The following MAP3K20 variants were observed in gnomAD, a reference collection of about 807,000 sequenced individuals.
The protein encoded by MAP3K20 is HCCS-4.
A neutral mutation model predicts 85.7 loss-of-function variants in MAP3K20; 40 were observed. That is an observed-to-expected ratio of 0.47 (90% CI 0.36 to 0.61). The LOEUF is 0.61. Among genes scored for constraint, MAP3K20 ranks in the 20% least tolerant of loss-of-function variants. The pLI is 0.00. For synonymous variants in MAP3K20, 325 were observed against 327.7 expected (o/e 0.99, Z 0.09); for missense variants, 817 against 961.7 (o/e 0.85, Z 1.99).
At chr2:173,212,900 T>A (rs1392220038) in intron 10 of MAP3K20, 1 of 151,190 alleles carries the variant, frequency 6.6e-6, no homozygotes, top group Non-Finnish European at 1.5e-5. Context: ...AGAAATGGTA[T>A]AAAGTGCAAT....
intron 2 of MAP3K20, among the ~76,000 whole-genome samples, chr2:173,149,515 T>TTTA (rs1553571022): frequency 6.6e-6 from 1 of 151,640 alleles, no homozygotes; most frequent in Admixed American, 6.6e-5. Flanking sequence ...TATTTTTTTT[T>TTTA]AAAAAAAACC....
chr2:173,085,947 C>A (rs1443621788), intron 1 of MAP3K20, among the ~76,000 whole-genome samples: 1 of 151,864 alleles, frequency 6.6e-6, no homozygotes, highest in East Asian at 1.9e-4. Flanking sequence ...AGATGCACGC[C>A]ACCATGCCTG....
chr2:173,128,973 G>C (rs955170681), intron 2 of MAP3K20, among the ~76,000 whole-genome samples: 4 of 130,896 alleles, frequency 3.1e-5, no homozygotes, highest in Non-Finnish European at 3.1e-5. Flanking sequence ...GCCCAGGCTA[G>C]AGTGCAATGG....
At chr2:173,124,451 TG>T (rs1329172822) in intron 2 of MAP3K20, among the ~76,000 whole-genome samples, 1 of 151,938 alleles carries the variant, frequency 6.6e-6, no homozygotes, top group East Asian at 1.9e-4. Flanking sequence ...AGGCTGCAGC[TG>T]CAAATGGATG....
chr2:173,258,749 A>C lies in MAP3K20; in HGVS notation c.1410A>C (p.Ile470=), dbSNP rs766506482. ...YMEMDGDEIA[I]TYIKDVTFNT... ...AGATGGATGGGGATGAAATTGCAAT[A>C]ACCTACATAAAAGATGTGACATTCA... The change falls in exon 17 of 20, where the codon ATA becomes ATC. Residue 470 remains isoleucine, a synonymous_variant. Coordinates refer to ENST00000375213, the MANE Select transcript of MAP3K20 (RefSeq NM_016653.3). 7.4e-6 allele frequency: 12 copies of C among 1,613,072 alleles called. No individual in the cohort carries two copies. The Admixed American group carries it at 2.0e-4, about 27-fold the overall frequency.
At chr2:173,224,567 C>T in intron 11 of MAP3K20, 2 of 985,248 alleles carry the variant, frequency 2.0e-6, no homozygotes, top group Non-Finnish European at 2.4e-6. Context: ...GGTCATAGCT[C>T]ATTACTCTAC....
intron 2 of MAP3K20, among the ~76,000 whole-genome samples, chr2:173,098,342 A>G (rs1014589831): frequency 3.9e-5 from 6 of 152,196 alleles, no homozygotes; most frequent in African/African-American, 1.4e-4. Context: ...CTGAAATTCA[A>G]AAAGCTCCAA....
chr2:173,180,705 A>AT (rs1230730416), intron 3 of MAP3K20, among the ~76,000 whole-genome samples: 1 of 152,114 alleles, frequency 6.6e-6, no homozygotes, highest in Admixed American at 6.6e-5. Context: ...AAAAAAAAAA[A>AT]TTAGAGCCAC....
chr2:173,118,307 A>G (rs1688181763), intron 2 of MAP3K20, among the ~76,000 whole-genome samples: 1 of 152,230 alleles, frequency 6.6e-6, no homozygotes, highest in Admixed American at 6.5e-5. Flanking sequence ...ACATTAATGG[A>G]TCTAGTTCAG....
chr2:173,146,171 A>G (rs1000866455), intron 2 of MAP3K20, among the ~76,000 whole-genome samples: 34 of 152,034 alleles, frequency 2.2e-4, no homozygotes, highest in Non-Finnish European at 4.4e-4. Flanking sequence ...AGGTCTGTGT[A>G]TTTTATTATA....
intron 16 of MAP3K20, among the ~76,000 whole-genome samples, chr2:173,243,113 C>T (rs149386024): frequency 1.3e-5 from 2 of 152,140 alleles, no homozygotes; most frequent in Non-Finnish European, 2.9e-5. Context: ...AAAGTACAAT[C>T]CCAGCCTTTA....
chr2:173,232,323 A>G lies in MAP3K20; in HGVS notation c.1067A>G (p.Asp356Gly). The G allele has an allele frequency of 6.2e-7, 1 of 1,614,080 alleles. No individual in the cohort carries two copies. The highest frequency in any genetic ancestry group is 8.5e-7 in the Non-Finnish European group (1 of 1,179,994). Residue 356 changes from aspartate (D) to glycine (G), a missense_variant, in exon 14 of 20, where the codon GAC (aspartate) becomes GGC (glycine). Asp to Gly is a moderately conservative substitution (Grantham distance 94, BLOSUM62 -1). Around this residue, in one of 4 missense-constraint regions of MAP3K20, gnomAD observed 158 missense variants for 162.0 expected, o/e 0.98. Coordinates refer to ENST00000375213, the MANE Select transcript of MAP3K20 (RefSeq NM_016653.3). ...CWVQQLVRKG[D>G]SSAEMSVYAS... is the part of the protein sequence containing the mutation. ...GCTTTCTAATCACTTCCTTCAGGTGACTCTTCAGCAGAGATGAGTGTATAT... is the reference window on the plus strand; with the variant it reads ...GCTTTCTAATCACTTCCTTCAGGTGGCTCTTCAGCAGAGATGAGTGTATAT...
intron 18 of MAP3K20, among the ~76,000 whole-genome samples, chr2:173,262,550 A>C (rs186416811): frequency 6.6e-6 from 1 of 152,126 alleles, no homozygotes; most frequent in Admixed American, 6.5e-5. Flanking sequence ...TGGTGAGCTG[A>C]GATTGCGCCA....
intron 17 of MAP3K20, among the ~76,000 whole-genome samples, chr2:173,260,203 C>A (rs935497433): frequency 6.6e-6 from 1 of 151,994 alleles, no homozygotes; most frequent in Admixed American, 6.6e-5. Context: ...CCCATCTCTA[C>A]GAAAAATACA....
intron 16 of MAP3K20, among the ~76,000 whole-genome samples, chr2:173,244,977 T>A (rs540623150): frequency 4.5e-4 from 69 of 152,316 alleles, no homozygotes; most frequent in African/African-American, 1.4e-3. Context: ...GGAGTTTGCA[T>A]AGCAGAGGCA....
intron 14 of MAP3K20, among the ~76,000 whole-genome samples, chr2:173,236,472 T>C (rs566259148): frequency 6.6e-6 from 1 of 152,200 alleles, no homozygotes; most frequent in African/African-American, 2.4e-5. Context: ...GAGCTCCAAA[T>C]GAAGGAGTAG....
chr2:173,252,241 G>A (rs1185812732), intron 16 of MAP3K20, among the ~76,000 whole-genome samples: 5 of 152,214 alleles, frequency 3.3e-5, no homozygotes, highest in African/African-American at 1.2e-4. Flanking sequence ...TGCAGAGAGT[G>A]TAATAGTGAT....
chr2:173,131,394 GA>G (rs1559244592), intron 2 of MAP3K20, among the ~76,000 whole-genome samples: 3 of 152,174 alleles, frequency 2.0e-5, no homozygotes, highest in African/African-American at 7.2e-5. Flanking sequence ...TGGAGATAGG[GA>G]AAGAGTTGCT....
intron 2 of MAP3K20, among the ~76,000 whole-genome samples, chr2:173,143,821 CA>C (rs1437327175): frequency 2.0e-5 from 3 of 151,956 alleles, no homozygotes; most frequent in African/African-American, 2.4e-5. Flanking sequence ...ATTTATTTAA[CA>C]AAGTTACAGG....
Sources: allele counts gnomAD v4.1 joint callset (sites outside exome capture counted in the v4.1 genomes callset), GRCh38; gene constraint gnomAD v4.1.1; regional missense constraint gnomAD v4.1.1; transcripts MANE v1.5; gene names NCBI Gene and HGNC (gene_info 2026-07-23, HGNC 2026-07-21).